MKS1: variants seen among roughly 807,000 people sequenced by gnomAD.
MKS1 encodes tectonic-like complex member MKS1.
A neutral mutation model predicts 83.7 loss-of-function variants in MKS1; 70 were observed. The observed-to-expected ratio is 0.84, with a 90% confidence interval of 0.69 to 1.02. MKS1 has a LOEUF of 1.02. Among genes scored for constraint, MKS1 ranks in the 50% least tolerant of loss-of-function variants. The probability of loss-of-function intolerance (pLI) is 0.00; values close to 1 mark genes in which losing one functional copy is unlikely to be tolerated. For synonymous variants in MKS1, 251 were observed against 273.4 expected (o/e 0.92, Z 0.81); for missense variants, 681 against 726.9 (o/e 0.94, Z 0.73).
intron 12 of MKS1, 124 bp downstream of exon 12, chr17:58,208,389 C>T: frequency 8.3e-7 from 1 of 1,207,396 alleles, no homozygotes; most frequent in Non-Finnish European, 1.2e-6. Flanking sequence ...GTAGAACCCA[C>T]ACACAAGTCA....
rs777934536 is a variant in MKS1, at chr17:58,216,160, C to T, written c.345G>A (p.Glu115=). ...YQYRQEILKL[E]NSGGKKNRRI... is the part of the protein sequence containing the mutation. ...GTCGGTTTTTCTTGCCACCCGAATTCTCCAGCTTCAGGATCTCCTGACGGT... is the reference window on the plus strand; with the variant it reads ...GTCGGTTTTTCTTGCCACCCGAATTTTCCAGCTTCAGGATCTCCTGACGGT... The change falls in exon 4 of 18, where the codon GAG becomes GAA. Residue 115 remains glutamate, a synonymous_variant. Coordinates refer to ENST00000393119, the MANE Select transcript of MKS1 (RefSeq NM_017777.4). 2 of 1,614,178 alleles carry T rather than the reference C, an allele frequency of 1.2e-6. No individual in the cohort carries two copies. Among genetic ancestry groups the T allele is most frequent in the South Asian group, 2.2e-5 (2 of 91,084 alleles).
Position 58,214,285 on chromosome 17 carries a change from G to T in MKS1, c.618C>A (p.Ile206=), listed in dbSNP as rs772982926. The change falls in exon 6 of 18, where the codon ATC becomes ATA. Residue 206 remains isoleucine (I), a synonymous_variant. Coordinates refer to ENST00000393119, the MANE Select transcript of MKS1 (RefSeq NM_017777.4). Reference sequence around the variant, plus strand: ...TTTTATAGGGCCCCAGGTCTGCCATGATGTGCATTGTCTGAAGAGGGGTGT... The same window carrying T: ...TTTTATAGGGCCCCAGGTCTGCCATTATGTGCATTGTCTGAAGAGGGGTGT... The part of the protein sequence containing the change: ...VINTPLQTMH[I]MADLGPYKKL... 1.2e-6 allele frequency: 2 copies of T among 1,614,192 alleles called. No homozygotes were observed. Among genetic ancestry groups the T allele is most frequent in the Non-Finnish European group, 1.7e-6 (2 of 1,180,036 alleles).
chr17:58,207,730 C>G, intron 14 of MKS1, 164 bp downstream of exon 14: 1 of 722,684 alleles, frequency 1.4e-6, no homozygotes, highest in Non-Finnish European at 2.4e-6. Context: ...GTCATTGTCG[C>G]TAATGGAGGG....
Position 58,216,071 on chromosome 17 carries a change from C to G in MKS1, c.417+17G>C, listed in dbSNP as rs780446139. The stretch of plus-strand genomic sequence containing the variant: ...GAAGCAAAGATGGAAGCTATGAGAC[C>G]CTAGAAAGAACAATACCTCCTCCAA... On this transcript the variant is annotated intron_variant, in intron 4 of 17. Transcript: ENST00000393119. 86 of 1,613,684 alleles carry G rather than the reference C, an allele frequency of 5.3e-5. No homozygotes were observed. Among genetic ancestry groups the G allele is most frequent in the Non-Finnish European group, 6.6e-5 (78 of 1,179,782 alleles).
rs370568445 is a variant in MKS1 at position 58,214,766 on chromosome 17, G to A, written c.490C>T (p.Arg164Cys). 1.4e-5 allele frequency: 23 copies of A among 1,606,844 alleles called. No homozygotes were observed. Among genetic ancestry groups the A allele is most frequent in the Non-Finnish European group, 1.6e-5 (19 of 1,179,788 alleles). ...FLVERMANVR[R>C]RRQDRRGMEG... ...ATCCCTCGCCTGTCCTGCCGGCGAC[G>A]CCTGACATTTGCCATTCGCTCGACC... The change falls in exon 5 of 18, where the codon CGT becomes TGT. Residue 164 changes from arginine (R) to cysteine (C), a missense_variant. By Grantham distance (180) the Arg-to-Cys change is radical. Coordinates refer to ENST00000393119, the MANE Select transcript of MKS1 (RefSeq NM_017777.4).
chr17:58,215,082 C>G (rs1390768466), intron 4 of MKS1, among the ~76,000 whole-genome samples: 1 of 152,154 alleles, frequency 6.6e-6, no homozygotes, highest in East Asian at 1.9e-4. Context: ...TAAAATCAGT[C>G]TGCATTCTCT....
intron 9 of MKS1, 135 bp from the exon 10 acceptor site, chr17:58,211,157 C>T (rs1197402185): frequency 3.9e-6 from 3 of 767,236 alleles, no homozygotes; most frequent in Non-Finnish European, 6.8e-6. Context: ...CACTTTCTCC[C>T]CACCCTGACA....
rs181513926 is a variant in MKS1 at position 58,206,541 on chromosome 17, G to A, written c.1414C>T (p.Arg472Cys). Residue 472 changes from arginine to cysteine, a missense_variant, in exon 16 of 18, where the codon CGC (arginine) becomes TGC (cysteine). By Grantham distance (180) the Arg-to-Cys change is radical (BLOSUM62 -3). Coordinates refer to ENST00000393119, the MANE Select transcript of MKS1 (RefSeq NM_017777.4). Reference sequence around the variant, plus strand: ...GTGCGGAGTCCAAAGCGGCTCAGGCGTTCCCCCTGTGGCATGCCATTGGGA... The same window carrying A: ...GTGCGGAGTCCAAAGCGGCTCAGGCATTCCCCCTGTGGCATGCCATTGGGA... The part of the protein sequence containing the change: ...VRIPGSFKGE[R>C]LSRFGLRTET... The A allele has an allele frequency of 1.0e-4, 165 of 1,612,474 alleles. No individual in the cohort carries two copies. Among genetic ancestry groups the A allele is most frequent in the Non-Finnish European group, 1.1e-4 (128 of 1,179,974 alleles).
At chr17:58,216,610 C>T (rs1969233210) in intron 3 of MKS1, 56 bp downstream of exon 3, 2 of 1,564,706 alleles carry the variant, frequency 1.3e-6, no homozygotes, top group Admixed American at 1.7e-5. Context: ...GTATCACCAG[C>T]CATGTGGAGG....
At position 58,213,005 on chromosome 17, in the gene MKS1, G is replaced by GCTC. The variant is rs780100856; in HGVS notation, c.832_834dup (p.Glu278dup). ...ACATCCTTGAACACTCGCCGTTCCC[G>GCTC]CTCCTCCTCCTCCGGCTGTGCGTGG... On this transcript the variant is annotated inframe_insertion, in exon 8 of 18. Transcript: ENST00000393119. 1.9e-6 allele frequency: 3 copies of GCTC among 1,612,894 alleles called. No homozygotes were observed. The East Asian group carries it at 6.7e-5, about 36-fold the overall frequency.
chr17:58,208,080 C>G, intron 13 of MKS1, 25 bp downstream of exon 13: 2 of 1,610,378 alleles, frequency 1.2e-6, no homozygotes, highest in East Asian at 2.2e-5. Context: ...AACCAAGGCC[C>G]AGGATCAACT....
At chr17:58,208,666 CT>C (rs536733808) in intron 11 of MKS1, 83 bp from the exon 12 acceptor site, 70,762 of 861,990 alleles carry the variant, frequency 0.082, no homozygotes, top group East Asian at 0.1. Flanking sequence ...TTTTTCTTTT[CT>C]TTTTTTTTTT....
intron 4 of MKS1, 165 bp from the exon 5 acceptor site, chr17:58,215,003 C>T (rs1872371868): frequency 4.6e-6 from 5 of 1,084,478 alleles, no homozygotes; most frequent in Non-Finnish European, 6.6e-6. Flanking sequence ...AGCCAAACAA[C>T]CCAAAGAAGA....
At chr17:58,213,201 T>A in intron 7 of MKS1, 111 bp from the exon 8 acceptor site, 1 of 1,007,120 alleles carries the variant, frequency 9.9e-7, no homozygotes, top group Non-Finnish European at 1.5e-6. Flanking sequence ...CACTAAAGTA[T>A]ATGATGATAA....
chr17:58,215,566 CT>C (rs1969143411), intron 4 of MKS1: 1 of 175,688 alleles, frequency 5.7e-6, no homozygotes, highest in African/African-American at 2.4e-5. Flanking sequence ...AGCTTAAAAT[CT>C]TACTGAGAAG....
Position 58,208,186 on chromosome 17 carries a change from A to T in MKS1, c.1096-12T>A. 6.2e-7 allele frequency: 1 copy of T among 1,605,592 alleles called. No homozygotes were observed. On this transcript the variant is annotated splice_polypyrimidine_tract_variant and intron_variant, in intron 12 of 17. Coordinates refer to ENST00000393119, the MANE Select transcript of MKS1 (RefSeq NM_017777.4). ...TGAGCCACCTTGTCCTATAAAAAGG[A>T]GTGTCATAGGGTGGGCAAGGCCTCC...
rs950609840 is a variant in MKS1, at chr17:58,208,157, G to T, written c.1113C>A (p.Phe371Leu). The part of the protein sequence containing the change: ...KSLAMDKVAH[F>L]SYPFTFEAFF... ...AGGCTTCAAACGTGAATGGGTAGGA[G>T]AAGTGAGCCACCTTGTCCTATAAAA... is the stretch of plus-strand genomic sequence containing the variant. The change falls in exon 13 of 18, where the codon TTC becomes TTA. Residue 371 changes from phenylalanine to leucine, a missense_variant. Physicochemically the swap from Phe to Leu is conservative, Grantham distance 22. Around this residue, in one of 3 missense-constraint regions of MKS1, gnomAD observed 310 missense variants for 321.7 expected, o/e 0.96. Coordinates refer to ENST00000393119, the MANE Select transcript of MKS1 (RefSeq NM_017777.4). The T allele has an allele frequency of 1.1e-5, 18 of 1,613,096 alleles. No individual in the cohort carries two copies. The African/African-American group carries it at 1.9e-4, about 17-fold the overall frequency.
At position 58,211,063 on chromosome 17, in the gene MKS1, G is replaced by T. The variant is rs376094518; in HGVS notation, c.916-41C>A. ...GTGGGAAAGGATCAGCAGGCCTGGA[G>T]GGAATTGGCACTTCTCCTCCAGCCC... On this transcript the variant is annotated intron_variant, in intron 9 of 17. Transcript: ENST00000393119. 8 of 1,602,972 alleles carry T rather than the reference G, an allele frequency of 5.0e-6. No homozygotes were observed. The African/African-American group carries it at 9.4e-5, about 19-fold the overall frequency.
Position 58,205,784 on chromosome 17 carries a change from A to G in MKS1, c.*295T>C. 1 of 1,434,002 alleles carries G rather than the reference A, an allele frequency of 7.0e-7. No homozygotes were observed. Among genetic ancestry groups the G allele is most frequent in the Non-Finnish European group, 9.3e-7 (1 of 1,077,608 alleles). 88.8% of individuals were successfully genotyped at this position (1,434,002 alleles called of 1,614,324 possible). A position where few individuals can be genotyped will look rare whatever the true frequency, so the allele number is the denominator to read the frequency against. ...AGAAAAGTGAGTCAAGGCCAGACTC[A>G]CTATGGGGTCACCCCAAACAGCTTC... is the stretch of plus-strand genomic sequence containing the variant. On this transcript the variant is annotated 3_prime_UTR_variant, in exon 18 of 18. Transcript: ENST00000393119.
Sources: gnomAD v4.1 joint callset for allele counts (sites outside exome capture counted in the v4.1 genomes callset) on GRCh38, gnomAD v4.1.1 for gene constraint, gnomAD v4.1.1 regional missense constraint, MANE v1.5 for transcripts, NCBI Gene and HGNC (gene_info 2026-07-23, HGNC 2026-07-21) for gene names.